GMDS: variants seen among roughly 807,000 people sequenced by gnomAD.
The protein encoded by GMDS is GDP-mannose 4,6 dehydratase.
Under a neutral mutation model 49.9 loss-of-function variants are expected in GMDS, and 20 were observed. That is an observed-to-expected ratio of 0.40 (90% CI 0.28 to 0.58). The LOEUF (loss-of-function observed/expected upper bound fraction) is 0.58. Among genes scored for constraint, GMDS ranks in the 20% least tolerant of loss-of-function variants. The pLI, the probability that GMDS is intolerant of heterozygous loss-of-function variation, is 0.42. For synonymous variants in GMDS, 177 were observed against 178.6 expected, an observed-to-expected ratio of 0.99 and a Z score of 0.07; for missense variants, 362 against 481.4, an observed-to-expected ratio of 0.75 and a Z score of 2.32.
chr6:1,715,571 AC>A (rs1766145218), intron 9 of GMDS, among the ~76,000 whole-genome samples: 1 of 152,198 alleles, frequency 6.6e-6, no homozygotes, highest in Non-Finnish European at 1.5e-5. Context: ...CAAGGAGCTG[AC>A]ACTTGTGCAG....
intron 7 of GMDS, among the ~76,000 whole-genome samples, chr6:1,752,030 T>A (rs1767756185): frequency 6.6e-6 from 1 of 152,164 alleles, no homozygotes; most frequent in Non-Finnish European, 1.5e-5. Context: ...GGACAGAGAA[T>A]GAGTTTGATG....
rs528023245 is a variant in GMDS at position 1,840,956 on chromosome 6, G to C, written c.771+89147C>G. On this transcript the variant is annotated intron_variant, in intron 7 of 10. Coordinates refer to ENST00000380815, the MANE Select transcript of GMDS (RefSeq NM_001500.4). ...CATCCAGCTACACTGTACACGTAAT[G>C]CAAGTTACAAACAAACAGGACAGAC... is the stretch of plus-strand genomic sequence containing the variant. Among the ~76,000 whole-genome samples the C allele has an allele frequency of 1.6e-4, 24 of 152,280 alleles. No homozygotes were observed. In the South Asian group the frequency reaches 4.8e-3, roughly 30 times the overall value.
At chr6:2,074,403 A>G (rs1008715098) in intron 4 of GMDS, among the ~76,000 whole-genome samples, 4 of 152,090 alleles carry the variant, frequency 2.6e-5, no homozygotes, top group South Asian at 2.1e-4. Context: ...CACATTTTGG[A>G]TATCAGTCCA....
chr6:1,675,696 T>C (rs1477928188), intron 9 of GMDS, among the ~76,000 whole-genome samples: 5 of 151,640 alleles, frequency 3.3e-5, no homozygotes, highest in African/African-American at 1.2e-4. Flanking sequence ...ACTAAAAATA[T>C]AAAAAAATTA....
At chr6:1,884,059 G>A (rs188121870) in intron 7 of GMDS, among the ~76,000 whole-genome samples, 2 of 152,226 alleles carry the variant, frequency 1.3e-5, no homozygotes, top group African/African-American at 2.4e-5. Flanking sequence ...ATCAGAGCGA[G>A]AGCCTCAATG....
intron 7 of GMDS, among the ~76,000 whole-genome samples, chr6:1,831,049 A>C (rs1471029290): frequency 6.6e-6 from 1 of 152,256 alleles, no homozygotes; most frequent in Non-Finnish European, 1.5e-5. Context: ...TACAGGTTCA[A>C]TATTCCCAAA....
intron 4 of GMDS, among the ~76,000 whole-genome samples, chr6:2,096,191 G>A (rs1482498565): frequency 6.6e-6 from 1 of 152,124 alleles, no homozygotes; most frequent in Non-Finnish European, 1.5e-5. Context: ...AGTTTGCAGA[G>A]TAAAAGGGTA....
At chr6:1,785,956 G>C (rs762138008) in intron 7 of GMDS, among the ~76,000 whole-genome samples, 4 of 152,216 alleles carry the variant, frequency 2.6e-5, no homozygotes, top group Non-Finnish European at 5.9e-5. Context: ...GAGGAGAAGA[G>C]GCTCAGCAGA....
intron 1 of GMDS, among the ~76,000 whole-genome samples, chr6:2,176,264 TA>T (rs916641121): frequency 3.3e-4 from 50 of 152,182 alleles, no homozygotes; most frequent in African/African-American, 1.1e-3. Context: ...CCATTTTTCT[TA>T]AAAAAAATTT....
intron 9 of GMDS, among the ~76,000 whole-genome samples, chr6:1,713,408 C>T (rs4492233): frequency 0.95 from 145,168 of 152,344 alleles, 69,181 homozygotes; most frequent in East Asian, 0.99. Flanking sequence ...CGGCCCACGC[C>T]GGGATCCAGT....
intron 7 of GMDS, among the ~76,000 whole-genome samples, chr6:1,770,918 C>CT (rs1768554050): frequency 6.6e-6 from 1 of 152,208 alleles, no homozygotes; most frequent in Non-Finnish European, 1.5e-5. Context: ...GCATGGAGCT[C>CT]TGACTGTGAG....
intron 1 of GMDS, among the ~76,000 whole-genome samples, chr6:2,208,524 TACAG>T (rs1779911403): frequency 6.6e-6 from 1 of 152,168 alleles, no homozygotes; most frequent in South Asian, 2.1e-4. Flanking sequence ...ATACAAGCTG[TACAG>T]ACAATTTTCC....
intron 7 of GMDS, among the ~76,000 whole-genome samples, chr6:1,892,461 G>T (rs1759916219): frequency 6.6e-6 from 1 of 152,200 alleles, no homozygotes; most frequent in Non-Finnish European, 1.5e-5. Context: ...CCAGGTTCAA[G>T]TGATTCTCCC....
intron 9 of GMDS, among the ~76,000 whole-genome samples, chr6:1,658,329 C>T (rs988763914): frequency 1.3e-4 from 20 of 152,202 alleles, no homozygotes; most frequent in Non-Finnish European, 2.5e-4. Context: ...CTGCAATTTG[C>T]GAAGTCGCAT....
chr6:1,773,059 G>A (rs752512850), intron 7 of GMDS, among the ~76,000 whole-genome samples: 2 of 151,866 alleles, frequency 1.3e-5, no homozygotes, highest in Non-Finnish European at 2.9e-5. Flanking sequence ...GGACAGAGGA[G>A]GCTCTTGGCA....
chr6:1,661,019 G>A (rs1361064557), intron 9 of GMDS, among the ~76,000 whole-genome samples: 3 of 151,724 alleles, frequency 2.0e-5, no homozygotes, highest in East Asian at 1.9e-4. Flanking sequence ...TCTGAGCAGC[G>A]CCACATAAAA....
chr6:1,795,069 G>A (rs964552176), intron 7 of GMDS, among the ~76,000 whole-genome samples: 3 of 152,008 alleles, frequency 2.0e-5, no homozygotes, highest in South Asian at 2.1e-4. Context: ...GCATGGTGGC[G>A]CATGCCTGTA....
chr6:1,851,545 T>C (rs1757671657), intron 7 of GMDS, among the ~76,000 whole-genome samples: 3 of 152,238 alleles, frequency 2.0e-5, no homozygotes, highest in African/African-American at 7.2e-5. Context: ...ACATACTGTA[T>C]AGCAGACCCC....
intron 9 of GMDS, among the ~76,000 whole-genome samples, chr6:1,632,068 G>A (rs1284462085): frequency 1.3e-5 from 2 of 152,156 alleles, no homozygotes; most frequent in African/African-American, 2.4e-5. Context: ...ATCTTCATGA[G>A]AGGAACAAAG....
Sources: allele counts gnomAD v4.1 joint callset (sites outside exome capture counted in the v4.1 genomes callset), GRCh38; gene constraint gnomAD v4.1.1; transcripts MANE v1.5; gene names NCBI Gene and HGNC (gene_info 2026-07-23, HGNC 2026-07-21).